The following ALKBH8 variants were observed in gnomAD, a reference collection of about 807,000 sequenced individuals.
The protein encoded by ALKBH8 is tRNA (carboxymethyluridine(34)-5-O)-methyltransferase ALKBH8.
ALKBH8 carries 36 observed loss-of-function variants against 59.8 expected under a neutral mutation model. That is an observed-to-expected ratio of 0.60 (90% CI 0.46 to 0.79). ALKBH8 has a LOEUF of 0.79. Among genes scored for constraint, ALKBH8 ranks in the 30% least tolerant of loss-of-function variants. The pLI is 0.00. For missense variants in ALKBH8, 768 were observed against 801.0 expected, an observed-to-expected ratio of 0.96 and a Z score of 0.50; for synonymous variants, 276 against 273.6, an observed-to-expected ratio of 1.01 and a Z score of -0.09.
chr11:107,539,913 A>T (rs1565336070), intron 7 of ALKBH8, among the ~76,000 whole-genome samples: 1 of 152,220 alleles, frequency 6.6e-6, no homozygotes, highest in Non-Finnish European at 1.5e-5. Flanking sequence ...AGCCAGCGGC[A>T]ATTTCATAAA....
chr11:107,541,062 T>C (rs1329361317), intron 7 of ALKBH8, among the ~76,000 whole-genome samples: 2 of 152,096 alleles, frequency 1.3e-5, no homozygotes, highest in Non-Finnish European at 2.9e-5. Context: ...GCTAGAGTAA[T>C]AAGAACAACA....
intron 11 of ALKBH8, among the ~76,000 whole-genome samples, chr11:107,510,285 G>A (rs1166066432): frequency 6.6e-6 from 1 of 151,892 alleles, no homozygotes; most frequent in East Asian, 1.9e-4. Flanking sequence ...AAAATAAGTG[G>A]TCTTTTGTTC....
chr11:107,507,214 G>C (rs535659342), intron 11 of ALKBH8, among the ~76,000 whole-genome samples: 1 of 152,292 alleles, frequency 6.6e-6, no homozygotes, highest in South Asian at 2.1e-4. Flanking sequence ...AATATTTCCA[G>C]TTCCACAGCT....
intron 8 of ALKBH8, among the ~76,000 whole-genome samples, chr11:107,526,517 C>T (rs558977404): frequency 1.3e-4 from 20 of 152,008 alleles, no homozygotes; most frequent in Admixed American, 3.3e-4. Flanking sequence ...GGTATTTTCT[C>T]TCCATGTGTG....
At chr11:107,551,664 A>G (rs948717967) in intron 6 of ALKBH8, 144 bp downstream of exon 6, 6 of 275,790 alleles carry the variant, frequency 2.2e-5, no homozygotes, top group Non-Finnish European at 3.8e-5. Flanking sequence ...GTTGCACTCC[A>G]GCATGGGCAA....
chr11:107,553,580 G>A (rs186217470), intron 4 of ALKBH8, among the ~76,000 whole-genome samples: 1 of 152,108 alleles, frequency 6.6e-6, no homozygotes, highest in East Asian at 1.9e-4. Context: ...CTTAGGGTGG[G>A]GAGGAATGAA....
Position 107,504,704 on chromosome 11 carries a change from C to T in ALKBH8, c.1949G>A (p.Ser650Asn), listed in dbSNP as rs1053821609. Residue 650 changes from serine (S) to asparagine (N), a missense_variant, in exon 12 of 12, where the codon AGC (serine) becomes AAC (asparagine). Physicochemically the swap from Ser to Asn is conservative, Grantham distance 46. Coordinates refer to ENST00000428149, the MANE Select transcript of ALKBH8 (RefSeq NM_138775.3). ...RTVSDVRILQ[S>N]YYDQGNWCVI... ...ACACCAGTTTCCTTGATCGTAGTAG[C>T]TTTGCAGAATTCTGACATCACTCAC... is the stretch of plus-strand genomic sequence containing the variant. The T allele has an allele frequency of 6.4e-7, 1 of 1,551,120 alleles. No homozygotes were observed. Among genetic ancestry groups the T allele is most frequent in the South Asian group, 1.2e-5 (1 of 83,922 alleles).
intron 7 of ALKBH8, among the ~76,000 whole-genome samples, chr11:107,536,237 AC>A (rs1471372193): frequency 6.6e-6 from 1 of 152,204 alleles, no homozygotes; most frequent in East Asian, 1.9e-4. Context: ...GTCTCTCTGA[AC>A]CTATTCTGGT....
At chr11:107,520,881 T>C (rs894391845) in intron 10 of ALKBH8, among the ~76,000 whole-genome samples, 1 of 152,076 alleles carries the variant, frequency 6.6e-6, no homozygotes, top group Non-Finnish European at 1.5e-5. Flanking sequence ...CAACCCCAGG[T>C]CAAAATACTA....
chr11:107,518,725 A>G (rs668143), intron 10 of ALKBH8, among the ~76,000 whole-genome samples: 142,628 of 152,326 alleles, frequency 0.94, 66,921 homozygotes, highest in South Asian at 0.97. Flanking sequence ...AGTTAATCCC[A>G]TTTCCTATAA....
rs76171516 is a variant in ALKBH8 at position 107,533,205 on chromosome 11, T to C, written c.772-799A>G. Among the ~76,000 whole-genome samples, 373 of 152,140 alleles carry C rather than the reference T, an allele frequency of 2.5e-3. 2 individuals carry two copies. Among genetic ancestry groups the C allele is most frequent in the African/African-American group, 8.0e-3 (331 of 41,520 alleles). Reference sequence around the variant, plus strand: ...TAAAAATAGCAGCAGCTGACAAATATGAACTTAAAAGGCTTACTATAGGGC... The same window carrying C: ...TAAAAATAGCAGCAGCTGACAAATACGAACTTAAAAGGCTTACTATAGGGC... On this transcript the variant is annotated intron_variant, in intron 7 of 11. Coordinates refer to ENST00000428149, the MANE Select transcript of ALKBH8 (RefSeq NM_138775.3).
chr11:107,524,096 C>T (rs1863248837), intron 9 of ALKBH8, among the ~76,000 whole-genome samples: 2 of 151,948 alleles, frequency 1.3e-5, no homozygotes, highest in Admixed American at 1.3e-4. Flanking sequence ...CTTGCTCTGT[C>T]ACCCAGGCCA....
chr11:107,554,222 G>C (rs1864614068), intron 3 of ALKBH8, among the ~76,000 whole-genome samples: 1 of 152,190 alleles, frequency 6.6e-6, no homozygotes, highest in Non-Finnish European at 1.5e-5. Flanking sequence ...AGTAGCCGGT[G>C]TGAACATGAT....
chr11:107,508,896 T>C (rs1862506108), intron 11 of ALKBH8, among the ~76,000 whole-genome samples: 1 of 152,248 alleles, frequency 6.6e-6, no homozygotes, highest in African/African-American at 2.4e-5. Flanking sequence ...ATGTTTTGTT[T>C]ATCTATTCAT....
intron 11 of ALKBH8, among the ~76,000 whole-genome samples, chr11:107,509,597 T>A (rs1176994376): frequency 6.6e-6 from 1 of 152,194 alleles, no homozygotes; most frequent in Non-Finnish European, 1.5e-5. Flanking sequence ...AAGGTTTTCC[T>A]CCTGTTTTCT....
At chr11:107,547,991 A>G (rs933974381) in intron 7 of ALKBH8, among the ~76,000 whole-genome samples, 27 of 152,320 alleles carry the variant, frequency 1.8e-4, no homozygotes, top group African/African-American at 6.5e-4. Context: ...TTGAGTCCTC[A>G]TTTCTCATAT....
intron 2 of ALKBH8, among the ~76,000 whole-genome samples, chr11:107,558,574 T>G (rs1300609526): frequency 6.6e-6 from 1 of 152,160 alleles, no homozygotes; most frequent in Non-Finnish European, 1.5e-5. Flanking sequence ...TCAGGAATAC[T>G]AGAAGTCCTC....
intron 10 of ALKBH8, among the ~76,000 whole-genome samples, chr11:107,519,397 G>C (rs1863011638): frequency 6.6e-6 from 1 of 152,144 alleles, no homozygotes; most frequent in Non-Finnish European, 1.5e-5. Flanking sequence ...AAGCCACTGT[G>C]CCCAGCCTAT....
intron 5 of ALKBH8, 106 bp from the exon 6 acceptor site, chr11:107,552,018 A>T (rs533956175): frequency 1.6e-5 from 8 of 500,922 alleles, no homozygotes. Context: ...CTTTTAATTT[A>T]GCAGTCAGGT....
Sources: gnomAD v4.1 joint callset for allele counts (sites outside exome capture counted in the v4.1 genomes callset) on GRCh38, gnomAD v4.1.1 for gene constraint, MANE v1.5 for transcripts, NCBI Gene and HGNC (gene_info 2026-07-23, HGNC 2026-07-21) for gene names.